Variants in ARID5B observed in about 807,000 individuals in gnomAD.
The protein encoded by ARID5B is AT-rich interactive domain-containing protein 5B.
A neutral mutation model predicts 97.2 loss-of-function variants in ARID5B; 13 were observed. That is an observed-to-expected ratio of 0.13 (90% CI 0.09 to 0.21). The LOEUF is 0.21. ARID5B is among the 10% of genes least tolerant of loss of function. The probability of loss-of-function intolerance (pLI) is 1.00; values close to 1 mark genes in which losing one functional copy is unlikely to be tolerated. For synonymous variants in ARID5B, 556 were observed against 570.3 expected (o/e 0.97, Z 0.36); for missense variants, 1,210 against 1,465.3 (o/e 0.83, Z 2.84).
chr10:62,052,969 C>T (rs1839810715), intron 5 of ARID5B, among the ~76,000 whole-genome samples: 1 of 152,118 alleles, frequency 6.6e-6, no homozygotes, highest in Non-Finnish European at 1.5e-5. Flanking sequence ...TCTGGCAAGA[C>T]CACTTAAGCA....
chr10:61,958,779 C>T (rs537407428), intron 3 of ARID5B, among the ~76,000 whole-genome samples: 13 of 152,220 alleles, frequency 8.5e-5, no homozygotes, highest in Admixed American at 4.6e-4. Context: ...TTGTTGTCTC[C>T]GATAAGTGCA....
In ARID5B at chr10:61,974,031, A is replaced by G. The variant is rs189004100; in HGVS notation, c.503-26060A>G. On this transcript the variant is annotated intron_variant, in intron 3 of 9. Transcript: ENST00000279873. ...GAGCTTCTCTCTTTAAGGCACCCGC[A>G]CATCTGAATATGCTTACTTGGCTTT... Among the ~76,000 whole-genome samples the G allele has an allele frequency of 9.7e-4, 147 of 152,314 alleles. No individual in the cohort carries two copies. In the East Asian group the frequency reaches 0.019, roughly 19 times the overall value.
At chr10:61,990,755 C>G (rs1838912861) in intron 3 of ARID5B, among the ~76,000 whole-genome samples, 1 of 152,124 alleles carries the variant, frequency 6.6e-6, no homozygotes, top group Non-Finnish European at 1.5e-5. Context: ...GTAAAATAGA[C>G]ATAACATAAA....
chr10:62,038,171 G>C (rs1479900538), intron 4 of ARID5B, among the ~76,000 whole-genome samples: 1 of 152,126 alleles, frequency 6.6e-6, no homozygotes, highest in Admixed American at 6.5e-5. Context: ...GCAGGAAATT[G>C]TTGAAAGGCA....
intron 2 of ARID5B, among the ~76,000 whole-genome samples, chr10:61,933,096 A>G (rs1227623153): frequency 6.6e-6 from 1 of 152,202 alleles, no homozygotes; most frequent in Non-Finnish European, 1.5e-5. Flanking sequence ...AACAAAACAA[A>G]AAAACATTGT....
At position 62,000,440 on chromosome 10, in the gene ARID5B, C is replaced by A; in HGVS notation, c.733+119C>A. The A allele has an allele frequency of 1.1e-6, 1 of 878,302 alleles. No homozygotes were observed. The highest frequency in any genetic ancestry group is 1.7e-6 in the Non-Finnish European group (1 of 584,106). The allele number at this position is 878,302 out of a possible 1,614,324, so 54.4% of individuals were successfully genotyped here. A position where few individuals can be genotyped will look rare whatever the true frequency, so the allele number is the denominator to read the frequency against. Reference sequence around the variant, plus strand: ...CACTTTCACAAGCCCCATGTGCTGCCCCACCCCTCCCATCCCCCAAATTAT... The same window carrying A: ...CACTTTCACAAGCCCCATGTGCTGCACCACCCCTCCCATCCCCCAAATTAT... On this transcript the variant is annotated intron_variant, in intron 4 of 9. Transcript: ENST00000279873. This position sits in a 1 kb window ranked among gnomAD's most constrained non-coding sequence, Gnocchi z 4.4.
Position 62,000,817 on chromosome 10 carries a change from G to C in ARID5B, c.733+496G>C, listed in dbSNP as rs1839067837. 6.7e-6 allele frequency among the ~76,000 whole-genome samples: 1 copy of C among 148,684 alleles called. No homozygotes were observed. Among genetic ancestry groups the C allele is most frequent in the Non-Finnish European group, 1.5e-5 (1 of 67,362 alleles). On this transcript the variant is annotated intron_variant, in intron 4 of 9. Transcript: ENST00000279873. The surrounding 1 kb of genome is among the most constrained non-coding windows in gnomAD (Gnocchi z 4.4). ...CCACTTTAGTACTGTACAGTAGATA[G>C]ACACGTAGAGAGATGATAGATAGAT...
chr10:62,089,528 C>CTTTTTTT (rs34423923), intron 9 of ARID5B, among the ~76,000 whole-genome samples: 3 of 101,542 alleles, frequency 3.0e-5, no homozygotes, highest in Admixed American at 1.0e-4. Context: ...CCTTCTTTTT[C>CTTTTTTT]TTTTTTTTTT....
At chr10:62,076,872 T>C (rs1840144755) in intron 8 of ARID5B, among the ~76,000 whole-genome samples, 1 of 152,166 alleles carries the variant, frequency 6.6e-6, no homozygotes, top group Admixed American at 6.5e-5. Flanking sequence ...TTGCATTTCC[T>C]TTCCCAACAC....
chr10:61,907,711 A>G (rs1843730523), intron 2 of ARID5B, among the ~76,000 whole-genome samples: 1 of 152,286 alleles, frequency 6.6e-6, no homozygotes, highest in African/African-American at 2.4e-5. Context: ...CTGGACTGTG[A>G]CAAGAGTCAG....
intron 8 of ARID5B, among the ~76,000 whole-genome samples, chr10:62,072,024 C>T (rs567682055): frequency 1.3e-5 from 2 of 152,264 alleles, no homozygotes; most frequent in East Asian, 3.9e-4. Flanking sequence ...TAAGTTAACA[C>T]GGGGGCAACA....
At chr10:61,976,287 T>C (rs1838697163) in intron 3 of ARID5B, among the ~76,000 whole-genome samples, 1 of 152,254 alleles carries the variant, frequency 6.6e-6, no homozygotes, top group Non-Finnish European at 1.5e-5. Context: ...AACTTTATAT[T>C]GCCGCATGCA....
chr10:62,016,432 T>C (rs1472741599), intron 4 of ARID5B, among the ~76,000 whole-genome samples: 1 of 152,258 alleles, frequency 6.6e-6, no homozygotes, highest in Non-Finnish European at 1.5e-5. Flanking sequence ...TTAACAACTG[T>C]AAAATGCCAT....
rs140010870 is a variant in ARID5B, at chr10:61,901,715, G to A, written c.6G>A (p.Glu2=). 16 of 1,613,920 alleles carry A rather than the reference G, an allele frequency of 9.9e-6. No individual in the cohort carries two copies. In the African/African-American group the frequency reaches 1.1e-4, roughly 11 times the overall value. M[E]PNSLQWVGSP... ...AATCAATTCAGAACGTCGAGATGGA[G>A]CCCAACTCACTCCAGGTATTTCGCT... The change falls in exon 1 of 10, where the codon GAG becomes GAA. Residue 2 remains glutamate (E), a synonymous_variant. Transcript: ENST00000279873.
intron 8 of ARID5B, among the ~76,000 whole-genome samples, chr10:62,079,004 G>A (rs897420913): frequency 6.6e-6 from 1 of 152,220 alleles, no homozygotes; most frequent in Non-Finnish European, 1.5e-5. Context: ...AAGCCATAGG[G>A]CTTCTTCTGA....
intron 8 of ARID5B, among the ~76,000 whole-genome samples, chr10:62,085,420 G>A (rs1260080659): frequency 1.3e-5 from 2 of 152,138 alleles, no homozygotes; most frequent in Non-Finnish European, 2.9e-5. Flanking sequence ...GGGGAGTGAT[G>A]GTGATATTGT....
chr10:61,908,279 G>T (rs1196701879), intron 2 of ARID5B, among the ~76,000 whole-genome samples: 3 of 152,182 alleles, frequency 2.0e-5, no homozygotes, highest in Non-Finnish European at 4.4e-5. Flanking sequence ...TTTGCGATGT[G>T]ACCCTTTTTC....
At chr10:62,075,071 C>T (rs964928320) in intron 8 of ARID5B, among the ~76,000 whole-genome samples, 9 of 152,124 alleles carry the variant, frequency 5.9e-5, no homozygotes, top group Admixed American at 6.5e-5. Context: ...GGAGAAGGTC[C>T]GCTCCTACAT....
chr10:62,028,636 T>C (rs1267835587), intron 4 of ARID5B, among the ~76,000 whole-genome samples: 1 of 152,102 alleles, frequency 6.6e-6, no homozygotes, highest in African/African-American at 2.4e-5. Context: ...ATATTATATA[T>C]ATGAGGATTA....
Sources: gnomAD v4.1 joint callset for allele counts (sites outside exome capture counted in the v4.1 genomes callset) on GRCh38, gnomAD v4.1.1 for gene constraint, Gnocchi (gnomAD v3.1) non-coding constraint, MANE v1.5 for transcripts, NCBI Gene and HGNC (gene_info 2026-07-23, HGNC 2026-07-21) for gene names.